The following POMT1 variants were observed in gnomAD, a reference collection of about 807,000 sequenced individuals.
POMT1 encodes protein O-mannosyltransferase 1.
Under a neutral mutation model 101.6 loss-of-function variants are expected in POMT1, and 85 were observed. That is an observed-to-expected ratio of 0.84 (90% CI 0.70 to 1.00). The LOEUF (loss-of-function observed/expected upper bound fraction) is 1.00, where lower values mean the gene tolerates loss of function less well. Among genes scored for constraint, POMT1 ranks in the 50% least tolerant of loss-of-function variants. The pLI is 0.00. For synonymous variants in POMT1, 371 were observed against 383.0 expected (o/e 0.97, Z 0.37); for missense variants, 857 against 930.4 (o/e 0.92, Z 1.03).
Position 131,522,566 on chromosome 9 carries a change from T to C in POMT1, c.2003+342T>C. ...GGCAGCTGGTTATGGTCGGGTTGTG[T>C]GGTGTGGTGGAGAGAACCCAAGAAA... On this transcript the variant is annotated intron_variant, in intron 19 of 19. Coordinates refer to ENST00000402686, the MANE Select transcript of POMT1 (RefSeq NM_001077365.2). The surrounding 1 kb of genome is among the most constrained non-coding windows in gnomAD (Gnocchi z 5.5). 1 of 524,946 alleles carries C rather than the reference T, an allele frequency of 1.9e-6. No homozygotes were observed. The highest frequency in any genetic ancestry group is 3.5e-5 in the East Asian group (1 of 28,882). 32.5% of individuals were successfully genotyped at this position (524,946 alleles called of 1,614,324 possible). A position where few individuals can be genotyped will look rare whatever the true frequency, so the allele number is the denominator to read the frequency against.
chr9:131,521,057 G>A (rs914250001), intron 17 of POMT1: 1 of 440,714 alleles, frequency 2.3e-6, no homozygotes, highest in Non-Finnish European at 4.2e-6. Flanking sequence ...TGGGCAGGCT[G>A]GTCTCAAACT....
At chr9:131,510,199 T>C (rs1564347733) in intron 8 of POMT1, 61 bp from the exon 9 acceptor site, 1 of 1,612,538 alleles carries the variant, frequency 6.2e-7, no homozygotes, top group African/African-American at 1.3e-5. Flanking sequence ...GCTCACAATG[T>C]CTAGAGGTGG....
chr9:131,522,899 C>T lies in POMT1; in HGVS notation c.2004-33C>T. 1 of 1,557,844 alleles carries T rather than the reference C, an allele frequency of 6.4e-7. No homozygotes were observed. The highest frequency in any genetic ancestry group is 8.6e-7 in the Non-Finnish European group (1 of 1,156,072). On this transcript the variant is annotated intron_variant, in intron 19 of 19. Coordinates refer to ENST00000402686, the MANE Select transcript of POMT1 (RefSeq NM_001077365.2). This position sits in a 1 kb window ranked among gnomAD's most constrained non-coding sequence, Gnocchi z 5.5. ...CGGGCAGGGAAGCCGCAGTGGTCAG[C>T]CACCCTCCCCCACGCTGCTCTGACC...
intron 11 of POMT1, among the ~76,000 whole-genome samples, chr9:131,513,019 G>C (rs1947468009): frequency 6.6e-6 from 1 of 152,246 alleles, no homozygotes; most frequent in African/African-American, 2.4e-5. Flanking sequence ...ATGCAGGTGT[G>C]ATGACCGCGG....
Position 131,521,415 on chromosome 9 carries a change from C to T in POMT1, c.1768C>T (p.Leu590=). The change falls in exon 18 of 20, where the codon CTG becomes TTG. Residue 590 remains leucine, a synonymous_variant. Coordinates refer to ENST00000402686, the MANE Select transcript of POMT1 (RefSeq NM_001077365.2). Reference sequence around the variant, plus strand: ...CAGCCTCGCTCTGGCCATCTACGCCCTGCTGTCCTTGTGGTACCTGCTCCG... The same window carrying T: ...CAGCCTCGCTCTGGCCATCTACGCCTTGCTGTCCTTGTGGTACCTGCTCCG... ...SGSLALAIYA[L]LSLWYLLRRR... The T allele has an allele frequency of 1.2e-6, 2 of 1,614,178 alleles. No individual in the cohort carries two copies. Among genetic ancestry groups the T allele is most frequent in the Non-Finnish European group, 1.7e-6 (2 of 1,180,022 alleles).
rs1160763628 is a variant in POMT1 at position 131,521,608 on chromosome 9, G to A, written c.1825+136G>A. 3.6e-6 allele frequency: 4 copies of A among 1,106,482 alleles called. No individual in the cohort carries two copies. The East Asian group carries it at 1.0e-4, about 28-fold the overall frequency. The allele number at this position is 1,106,482 out of a possible 1,614,324, so 68.5% of individuals were successfully genotyped here. On this transcript the variant is annotated intron_variant, in intron 18 of 19. Transcript: ENST00000402686. ...GCCTCCCATAGTGCTAGGATTACAG[G>A]TGTGCGCTGAGCATTCACCGCCTCA... is the stretch of plus-strand genomic sequence containing the variant.
rs750937093 is a variant in POMT1, at chr9:131,518,919, G to A, written c.1448G>A (p.Ser483Asn). The change falls in exon 15 of 20, where the codon AGC (serine) becomes AAC (asparagine). Residue 483 changes from serine (S) to asparagine (N), a missense_variant. Coordinates refer to ENST00000402686, the MANE Select transcript of POMT1 (RefSeq NM_001077365.2). ...GEKLSRGYHG[S>N]TVWNVEEHRY... ...AAGCTGTCCCGGGGCTACCACGGGA[G>A]CACGGTGTGGAACGTGGAGGAGCAC... 30 of 1,613,794 alleles carry A rather than the reference G, an allele frequency of 1.9e-5. No homozygotes were observed. Among genetic ancestry groups the A allele is most frequent in the Non-Finnish European group, 1.9e-5 (22 of 1,180,042 alleles).
chr9:131,515,601 G>A (rs1248706033), intron 13 of POMT1, 79 bp downstream of exon 13: 65 of 1,351,450 alleles, frequency 4.8e-5, no homozygotes, highest in Non-Finnish European at 6.7e-5. Context: ...CTCACCCGGA[G>A]CACTCCCTAA....
rs142211950 is a variant in POMT1, at chr9:131,518,956, G to A, written c.1485G>A (p.Ala495=). ...VWNVEEHRYG[A]SQEQRERERE... ...ACGTGGAGGAGCACCGATACGGCGC[G>A]AGTGAGTCCGCGGCGTGGCTTCCGC... The change falls in exon 15 of 20, where the codon GCG becomes GCA. Residue 495 remains alanine (A), a splice_region_variant and synonymous_variant. Coordinates refer to ENST00000402686, the MANE Select transcript of POMT1 (RefSeq NM_001077365.2). 18 of 1,613,356 alleles carry A rather than the reference G, an allele frequency of 1.1e-5. No homozygotes were observed. In the East Asian group the frequency reaches 2.2e-4, roughly 20 times the overall value.
chr9:131,515,322 C>A, intron 12 of POMT1, 104 bp from the exon 13 acceptor site: 1 of 1,170,904 alleles, frequency 8.5e-7, no homozygotes, highest in Non-Finnish European at 1.3e-6. Flanking sequence ...ATGGCTGAGC[C>A]GGCTTTGTTT....
chr9:131,508,827 A>G, intron 5 of POMT1, 84 bp from the exon 6 acceptor site: 1 of 942,238 alleles, frequency 1.1e-6, no homozygotes, highest in Non-Finnish European at 1.7e-6. Context: ...TTCTGAAGTA[A>G]TGCCTTTTTT....
At chr9:131,520,484 G>A (rs896320723) in intron 17 of POMT1, among the ~76,000 whole-genome samples, 8 of 152,306 alleles carry the variant, frequency 5.3e-5, no homozygotes, top group Middle Eastern at 3.4e-3. Flanking sequence ...TCAATTTTCC[G>A]TGTGGCACCT....
intron 10 of POMT1, chr9:131,511,755 T>G: frequency 1.7e-6 from 1 of 578,030 alleles, no homozygotes; most frequent in Non-Finnish European, 3.1e-6. Context: ...ATCTTCATTT[T>G]CCCTGAAACC....
intron 13 of POMT1, chr9:131,516,583 C>T (rs527939289): frequency 1.3e-5 from 2 of 153,130 alleles, no homozygotes; most frequent in Non-Finnish European, 2.9e-5. Context: ...TTTATTCGTA[C>T]ATAAAGTCAC....
In POMT1 at chr9:131,504,424, G is replaced by A. The variant is rs1003889148; in HGVS notation, c.122+84G>A. 58 of 1,602,828 alleles carry A rather than the reference G, an allele frequency of 3.6e-5. No homozygotes were observed. In the Middle Eastern group the frequency reaches 1.0e-3, roughly 28 times the overall value. On this transcript the variant is annotated intron_variant, in intron 2 of 19. Transcript: ENST00000402686. The stretch of plus-strand genomic sequence containing the variant: ...CGCCCTTACTGAATAGCATAAATGG[G>A]AGAGTGAAATCCTGGCTTCTTGGTG...
Position 131,522,408 on chromosome 9 carries a change from C to T in POMT1, c.2003+184C>T. On this transcript the variant is annotated intron_variant, in intron 19 of 19. Transcript: ENST00000402686. The surrounding 1 kb of genome is among the most constrained non-coding windows in gnomAD (Gnocchi z 5.5). ...GCCCAGATGAGGCACTGCAGGAACC[C>T]AGAGGGAGAAGTCGCGGCTGACAGA... 7.9e-7 allele frequency: 1 copy of T among 1,261,544 alleles called. No homozygotes were observed. The allele number at this position is 1,261,544 out of a possible 1,614,324, so 78.1% of individuals were successfully genotyped here.
chr9:131,508,905 A>G lies in POMT1; in HGVS notation c.428-6A>G, dbSNP rs770292431. 1 of 1,598,896 alleles carries G rather than the reference A, an allele frequency of 6.3e-7. No individual in the cohort carries two copies. The highest frequency in any genetic ancestry group is 8.6e-7 in the Non-Finnish European group (1 of 1,166,120). Reference sequence around the variant, plus strand: ...AAAATTGACATGTGTTTCCTCTTTGAAACAGAGAATGCTCTCATCACTCAG... The same window carrying G: ...AAAATTGACATGTGTTTCCTCTTTGGAACAGAGAATGCTCTCATCACTCAG... On this transcript the variant is annotated splice_region_variant and splice_polypyrimidine_tract_variant and intron_variant, in intron 5 of 19. Transcript: ENST00000402686.
At position 131,509,931 on chromosome 9, in the gene POMT1, G is replaced by A. The variant is rs746119386; in HGVS notation, c.634G>A (p.Val212Met). 22 of 1,614,074 alleles carry A rather than the reference G, an allele frequency of 1.4e-5. No individual in the cohort carries two copies. The highest frequency in any genetic ancestry group is 1.8e-5 in the Non-Finnish European group (21 of 1,180,052). The change falls in exon 8 of 20, where the codon GTG becomes ATG. Residue 212 changes from valine to methionine, a missense_variant. Coordinates refer to ENST00000402686, the MANE Select transcript of POMT1 (RefSeq NM_001077365.2). ...GIKYMGVFTY[V>M]LVLGVAAVHA... is the part of the protein sequence containing the mutation. Reference sequence around the variant, plus strand: ...CAAGTACATGGGTGTGTTCACGTACGTGCTCGTGCTGGGTGTTGCAGCTGT... The same window carrying A: ...CAAGTACATGGGTGTGTTCACGTACATGCTCGTGCTGGGTGTTGCAGCTGT...
intron 12 of POMT1, among the ~76,000 whole-genome samples, chr9:131,515,081 T>C (rs1236252048): frequency 2.0e-5 from 3 of 152,250 alleles, no homozygotes; most frequent in Non-Finnish European, 4.4e-5. Flanking sequence ...AGTTGTAGCA[T>C]TGGTACTGCC....
Sources: allele counts gnomAD v4.1 joint callset (sites outside exome capture counted in the v4.1 genomes callset), GRCh38; gene constraint gnomAD v4.1.1; non-coding constraint Gnocchi (gnomAD v3.1); transcripts MANE v1.5; gene names NCBI Gene and HGNC (gene_info 2026-07-23, HGNC 2026-07-21).